The following ZFP2 variants were observed in gnomAD, a reference collection of about 807,000 sequenced individuals.
ZFP2 encodes the protein zinc finger protein ZFP2.
A neutral mutation model predicts 36.1 loss-of-function variants in ZFP2; 33 were observed. That is an observed-to-expected ratio of 0.92 (90% CI 0.69 to 1.22). ZFP2 has a LOEUF of 1.22. Ranked by LOEUF, ZFP2 falls within the 50% of genes most tolerant of loss-of-function variation. ZFP2 has a pLI of 0.00. For missense variants in ZFP2, 522 were observed against 551.4 expected (o/e 0.95, Z 0.53); for synonymous variants, 170 against 178.0 (o/e 0.96, Z 0.36).
At chr5:178,897,168 C>T (rs1010635909) in intron 1 of ZFP2, among the ~76,000 whole-genome samples, 10 of 151,826 alleles carry the variant, frequency 6.6e-5, no homozygotes, top group Non-Finnish European at 8.8e-5. Context: ...GATTTTGATA[C>T]CTCCTGTCTT....
At chr5:178,929,002 C>T (rs1255698075) in intron 4 of ZFP2, among the ~76,000 whole-genome samples, 1 of 152,260 alleles carries the variant, frequency 6.6e-6, no homozygotes, top group Non-Finnish European at 1.5e-5. Context: ...AGGCTTACAG[C>T]TTGCACCCTC....
At chr5:178,924,372 CA>C (rs11292713) in intron 4 of ZFP2, among the ~76,000 whole-genome samples, 95,879 of 110,868 alleles carry the variant, frequency 0.86, 42,137 homozygotes, top group South Asian at 0.98. Flanking sequence ...GACTCTGTCT[CA>C]AAAAAAAAAA....
At position 178,931,650 on chromosome 5, in the gene ZFP2, C is replaced by G; in HGVS notation, c.337C>G (p.Gln113Glu). The G allele has an allele frequency of 6.2e-7, 1 of 1,614,146 alleles. No homozygotes were observed. Among genetic ancestry groups the G allele is most frequent in the Non-Finnish European group, 8.5e-7 (1 of 1,180,016 alleles). ...ECNQCSKTFS[Q>E]SSSLLKHQRI... is the part of the protein sequence containing the mutation. ...TAATCAGTGCAGCAAAACCTTCAGT[C>G]AGAGCTCATCCCTTCTTAAGCACCA... Residue 113 changes from glutamine (Q) to glutamate (E), a missense_variant, in exon 5 of 5, where the codon CAG becomes GAG. Gln to Glu is a conservative substitution (Grantham distance 29). Transcript: ENST00000361362.
chr5:178,900,547 T>C (rs1353730877), intron 1 of ZFP2, among the ~76,000 whole-genome samples: 3 of 54,512 alleles, frequency 5.5e-5, no homozygotes, highest in Non-Finnish European at 1.0e-4. Flanking sequence ...GCCAGTGTCC[T>C]CGTGCCACTT....
rs1758878715 is a variant in ZFP2, at chr5:178,932,890, T to C, written c.*191T>C. 1 of 727,664 alleles carries C rather than the reference T, an allele frequency of 1.4e-6. No individual in the cohort carries two copies. Among genetic ancestry groups the C allele is most frequent in the African/African-American group, 1.8e-5 (1 of 55,836 alleles). The allele number at this position is 727,664 out of a possible 1,614,324, so 45.1% of individuals were successfully genotyped here. A position where few individuals can be genotyped will look rare whatever the true frequency, so the allele number is the denominator to read the frequency against. On this transcript the variant is annotated 3_prime_UTR_variant, in exon 5 of 5. Coordinates refer to ENST00000361362, the MANE Select transcript of ZFP2 (RefSeq NM_030613.4). ...AGAAATCTTGATTCAGAATGTATAATTTCCTTTATATCAGAAGGTTTAAAT... is the reference window on the plus strand; with the variant it reads ...AGAAATCTTGATTCAGAATGTATAACTTCCTTTATATCAGAAGGTTTAAAT...
intron 3 of ZFP2, among the ~76,000 whole-genome samples, chr5:178,913,289 C>T (rs1023370154): frequency 8.5e-5 from 13 of 152,254 alleles, no homozygotes; most frequent in Non-Finnish European, 1.8e-4. Context: ...ACATTTATGG[C>T]ACTTACCCAC....
chr5:178,916,851 C>T (rs1011864383), intron 4 of ZFP2, 141 bp downstream of exon 4: 2 of 570,390 alleles, frequency 3.5e-6, no homozygotes, highest in African/African-American at 4.1e-5. Flanking sequence ...TTCCCTTGCC[C>T]TGCTGTGTTG....
chr5:178,927,870 G>A (rs115227940), intron 4 of ZFP2, among the ~76,000 whole-genome samples: 3,277 of 151,638 alleles, frequency 0.022, 116 homozygotes, highest in African/African-American at 0.075. Context: ...AGTTTAATTG[G>A]CTTATGGTTC....
intron 4 of ZFP2, chr5:178,922,565 C>T: frequency 6.7e-7 from 1 of 1,503,628 alleles, no homozygotes; most frequent in South Asian, 1.1e-5. Flanking sequence ...AGGAGCATGG[C>T]TTGGAGCACG....
chr5:178,910,169 G>T, intron 1 of ZFP2: 1 of 1,497,956 alleles, frequency 6.7e-7, no homozygotes, highest in Non-Finnish European at 9.3e-7. Context: ...TTAATGCTTT[G>T]CAGCCATCAA....
At position 178,932,765 on chromosome 5, in the gene ZFP2, T is replaced by G; in HGVS notation, c.*66T>G. 1 of 1,498,470 alleles carries G rather than the reference T, an allele frequency of 6.7e-7. No homozygotes were observed. The highest frequency in any genetic ancestry group is 8.9e-7 in the Non-Finnish European group (1 of 1,122,520). The allele number at this position is 1,498,470 out of a possible 1,614,324, so 92.8% of individuals were successfully genotyped here. Reference sequence around the variant, plus strand: ...AGTAATAATCATATGAGACATACAATGTAGAAACCTAATAAATGTAATGAT... The same window carrying G: ...AGTAATAATCATATGAGACATACAAGGTAGAAACCTAATAAATGTAATGAT... On this transcript the variant is annotated 3_prime_UTR_variant, in exon 5 of 5. Transcript: ENST00000361362.
chr5:178,919,387 C>T (rs1053792744), intron 4 of ZFP2, among the ~76,000 whole-genome samples: 7 of 152,176 alleles, frequency 4.6e-5, no homozygotes, highest in African/African-American at 1.7e-4. Context: ...TCTGATATTA[C>T]AATGACTTAA....
chr5:178,910,988 T>C (rs1392519782), intron 1 of ZFP2, among the ~76,000 whole-genome samples: 1 of 152,236 alleles, frequency 6.6e-6, no homozygotes, highest in Non-Finnish European at 1.5e-5. Context: ...TAAGTATTTT[T>C]CTGGTTATTA....
chr5:178,930,169 C>T (rs919372645), intron 4 of ZFP2, among the ~76,000 whole-genome samples: 7 of 151,826 alleles, frequency 4.6e-5, no homozygotes, highest in Non-Finnish European at 5.9e-5. Context: ...GGCCCCACCT[C>T]CAACACTGGG....
At chr5:178,901,102 T>C (rs1758049693) in intron 1 of ZFP2, among the ~76,000 whole-genome samples, 1 of 152,254 alleles carries the variant, frequency 6.6e-6, no homozygotes, top group Admixed American at 6.5e-5. Context: ...TTCCTGTTTT[T>C]AGCTATTATG....
At chr5:178,905,876 C>T (rs1758155358) in intron 1 of ZFP2, among the ~76,000 whole-genome samples, 1 of 152,026 alleles carries the variant, frequency 6.6e-6, no homozygotes, top group Non-Finnish European at 1.5e-5. Flanking sequence ...CTCAGCCTCC[C>T]GAATAGCTGG....
intron 4 of ZFP2, among the ~76,000 whole-genome samples, chr5:178,917,737 A>C (rs934843167): frequency 2.6e-5 from 4 of 152,226 alleles, no homozygotes; most frequent in African/African-American, 9.6e-5. Context: ...TATAGTTAAG[A>C]GTCTCTATCT....
In ZFP2 at chr5:178,931,219, ATTTT is replaced by A; in HGVS notation, c.-77-7_-77-4del. The A allele has an allele frequency of 3.0e-6, 4 of 1,344,920 alleles. No homozygotes were observed. The highest frequency in any genetic ancestry group is 2.5e-5 in the East Asian group (1 of 39,662). 83.3% of individuals were successfully genotyped at this position (1,344,920 alleles called of 1,614,324 possible). A position where few individuals can be genotyped will look rare whatever the true frequency, so the allele number is the denominator to read the frequency against. Reference sequence around the variant, plus strand: ...AGCACAGAAACCAATGTGCATTTGAATTTTTTTTTTTTTTCAGACTGGGAGACAA... The same window carrying A: ...AGCACAGAAACCAATGTGCATTTGAATTTTTTTTTTCAGACTGGGAGACAA... On this transcript the variant is annotated splice_polypyrimidine_tract_variant and intron_variant, in intron 4 of 4. Coordinates refer to ENST00000361362, the MANE Select transcript of ZFP2 (RefSeq NM_030613.4).
chr5:178,931,633 G>A lies in ZFP2; in HGVS notation c.320G>A (p.Cys107Tyr). The A allele has an allele frequency of 6.2e-7, 1 of 1,614,148 alleles. No homozygotes were observed. Among genetic ancestry groups the A allele is most frequent in the South Asian group, 1.1e-5 (1 of 91,080 alleles). The change falls in exon 5 of 5, where the codon TGC (cysteine) becomes TAC (tyrosine). Residue 107 changes from cysteine (C) to tyrosine (Y), a missense_variant. By Grantham distance (194) the Cys-to-Tyr change is radical. Coordinates refer to ENST00000361362, the MANE Select transcript of ZFP2 (RefSeq NM_030613.4). ...AAGAAGATCTATGAATGTAATCAGT[G>A]CAGCAAAACCTTCAGTCAGAGCTCA... ...VGKKIYECNQ[C>Y]SKTFSQSSSL...
Sources: allele counts gnomAD v4.1 joint callset (sites outside exome capture counted in the v4.1 genomes callset), GRCh38; gene constraint gnomAD v4.1.1; transcripts MANE v1.5; gene names NCBI Gene and HGNC (gene_info 2026-07-23, HGNC 2026-07-21).